STIM1: variants seen among roughly 807,000 people sequenced by gnomAD.
STIM1 encodes stromal interaction molecule 1.
Under a neutral mutation model 74.7 loss-of-function variants are expected in STIM1, and 25 were observed. That is an observed-to-expected ratio of 0.33 (90% CI 0.24 to 0.47). The LOEUF is 0.47. STIM1 is among the 20% of genes least tolerant of loss of function. The pLI, the probability that STIM1 is intolerant of heterozygous loss-of-function variation, is 1.00. For synonymous variants in STIM1, 328 were observed against 348.8 expected, an observed-to-expected ratio of 0.94 and a Z score of 0.66; for missense variants, 728 against 920.8, an observed-to-expected ratio of 0.79 and a Z score of 2.71.
rs563062575 is a variant in STIM1, at chr11:3,944,152, G to A, written c.140-23400G>A. 4.6e-5 allele frequency among the ~76,000 whole-genome samples: 7 copies of A among 152,356 alleles called. No individual in the cohort carries two copies. In the East Asian group the frequency reaches 9.6e-4, roughly 21 times the overall value. On this transcript the variant is annotated intron_variant, in intron 1 of 12. Coordinates refer to ENST00000526596, the MANE Select transcript of STIM1 (RefSeq NM_001382567.1). ...AAGACCCCAACTGAGTTGTTTAGAG[G>A]AAGGGGCCTTAGGCTGGGGCCAAAT...
intron 1 of STIM1, among the ~76,000 whole-genome samples, chr11:3,893,172 G>T (rs899914948): frequency 1.3e-5 from 2 of 152,142 alleles, no homozygotes; most frequent in African/African-American, 4.8e-5. Flanking sequence ...CAGAATATTT[G>T]GGATCCATGA....
intron 2 of STIM1, among the ~76,000 whole-genome samples, chr11:4,002,118 A>T (rs2093723618): frequency 7.1e-6 from 1 of 140,406 alleles, no homozygotes; most frequent in Admixed American, 7.3e-5. Flanking sequence ...AGAGACTTAG[A>T]CTCCCACACA....
chr11:4,083,020 A>G (rs368128270), intron 9 of STIM1, 38 bp downstream of exon 9: 33 of 1,570,346 alleles, frequency 2.1e-5, no homozygotes, highest in East Asian at 6.7e-5. Flanking sequence ...CAATGTCCAT[A>G]TCATCCTCAG....
chr11:3,898,426 G>A (rs1342647380), intron 1 of STIM1, among the ~76,000 whole-genome samples: 1 of 116,324 alleles, frequency 8.6e-6, no homozygotes, highest in African/African-American at 3.5e-5. Context: ...CCCTTTGTCA[G>A]ATGAGTAGGT....
At chr11:4,015,752 T>C (rs558915923) in intron 2 of STIM1, among the ~76,000 whole-genome samples, 35 of 152,194 alleles carry the variant, frequency 2.3e-4, no homozygotes, top group Non-Finnish European at 3.8e-4. Flanking sequence ...TCTTTTTACT[T>C]TTTTCTCTCA....
chr11:3,899,520 C>A (rs1468477426), intron 1 of STIM1, among the ~76,000 whole-genome samples: 1 of 151,326 alleles, frequency 6.6e-6, no homozygotes, highest in Non-Finnish European at 1.5e-5. Flanking sequence ...CCTTCTCCTG[C>A]CTAATTGCCC....
At chr11:4,038,524 G>A (rs1353770638) in intron 3 of STIM1, among the ~76,000 whole-genome samples, 1 of 152,112 alleles carries the variant, frequency 6.6e-6, no homozygotes, top group East Asian at 1.9e-4. Flanking sequence ...ATAAGCTGGG[G>A]CAATTGTATA....
intron 3 of STIM1, among the ~76,000 whole-genome samples, chr11:4,038,601 G>C (rs772447201): frequency 6.6e-6 from 1 of 152,122 alleles, no homozygotes; most frequent in Non-Finnish European, 1.5e-5. Flanking sequence ...CCAGTGTCCT[G>C]AAAACCATTA....
intron 2 of STIM1, among the ~76,000 whole-genome samples, chr11:3,969,196 C>A (rs1397161406): frequency 6.6e-6 from 1 of 152,128 alleles, no homozygotes; most frequent in Admixed American, 6.5e-5. Flanking sequence ...ATACAGAACT[C>A]CACTGAATCT....
intron 2 of STIM1, among the ~76,000 whole-genome samples, chr11:3,984,915 T>C (rs928253366): frequency 6.6e-6 from 1 of 152,202 alleles, no homozygotes; most frequent in African/African-American, 2.4e-5. Context: ...GCATAGGTCC[T>C]GTGGGAGTTT....
In STIM1 at chr11:3,898,232, T is replaced by A. The variant is rs990403493; in HGVS notation, c.139+41823T>A. Among the ~76,000 whole-genome samples, 8 of 149,704 alleles carry A rather than the reference T, an allele frequency of 5.3e-5. No individual in the cohort carries two copies. In the South Asian group the frequency reaches 8.6e-4, roughly 16 times the overall value. Reference sequence around the variant, plus strand: ...TAACTGGTGTGAGATGGTATCTCATTGTGGTTTTGATTTGCATTTCTCTGA... The same window carrying A: ...TAACTGGTGTGAGATGGTATCTCATAGTGGTTTTGATTTGCATTTCTCTGA... On this transcript the variant is annotated intron_variant, in intron 1 of 12. Transcript: ENST00000526596.
intron 1 of STIM1, among the ~76,000 whole-genome samples, chr11:3,926,928 G>T (rs749957860): frequency 1.7e-4 from 26 of 152,158 alleles, no homozygotes; most frequent in Non-Finnish European, 2.6e-4. Context: ...CAAATTCTGG[G>T]CTCCTCCTAT....
chr11:4,070,305 A>G (rs2094395783), intron 6 of STIM1, 102 bp downstream of exon 6: 4 of 1,338,124 alleles, frequency 3.0e-6, no homozygotes, highest in Middle Eastern at 2.5e-4. Context: ...CCTTGTCAGC[A>G]TGGCAGCCCA....
chr11:4,026,702 A>T (rs1402949506), intron 3 of STIM1, among the ~76,000 whole-genome samples: 1 of 152,226 alleles, frequency 6.6e-6, no homozygotes, highest in East Asian at 1.9e-4. Context: ...CAATTTTATT[A>T]TAAAAGTTAC....
chr11:4,001,383 A>C lies in STIM1; in HGVS notation c.271-22490A>C, dbSNP rs551331945. On this transcript the variant is annotated intron_variant, in intron 2 of 12. Transcript: ENST00000526596. ...GGGAAGCCCATCAGACTAACAGCTG[A>C]TCTCTCGGCAGAAACTCTACAAGCC... 3.5e-3 allele frequency among the ~76,000 whole-genome samples: 538 copies of C among 152,302 alleles called. 4 individuals are homozygous for C. Among genetic ancestry groups the C allele is most frequent in the African/African-American group, 0.012 (496 of 41,552 alleles).
intron 3 of STIM1, among the ~76,000 whole-genome samples, chr11:4,036,245 G>A (rs1445372102): frequency 6.6e-6 from 1 of 152,006 alleles, no homozygotes; most frequent in South Asian, 2.1e-4. Context: ...TTTTCTTTAT[G>A]CAGTCTTTCA....
chr11:3,878,350 T>C (rs1414642842), intron 1 of STIM1, among the ~76,000 whole-genome samples: 1 of 152,188 alleles, frequency 6.6e-6, no homozygotes, highest in Non-Finnish European at 1.5e-5. Flanking sequence ...GTTTTACATA[T>C]GATGAAACTG....
At chr11:3,960,845 T>C (rs1246168638) in intron 1 of STIM1, among the ~76,000 whole-genome samples, 2 of 152,158 alleles carry the variant, frequency 1.3e-5, no homozygotes, top group African/African-American at 4.8e-5. Flanking sequence ...TTTGCAAAAA[T>C]GTACAATTCT....
At chr11:3,895,574 T>C (rs1000920840) in intron 1 of STIM1, among the ~76,000 whole-genome samples, 3 of 150,664 alleles carry the variant, frequency 2.0e-5, no homozygotes, top group Non-Finnish European at 2.9e-5. Flanking sequence ...CTAATTCGGC[T>C]CTGGGTTCCG....
Sources: gnomAD v4.1 joint callset for allele counts (sites outside exome capture counted in the v4.1 genomes callset) on GRCh38, gnomAD v4.1.1 for gene constraint, MANE v1.5 for transcripts, NCBI Gene and HGNC (gene_info 2026-07-23, HGNC 2026-07-21) for gene names.